SNED1: variants seen among roughly 807,000 people sequenced by gnomAD.
SNED1 encodes the protein sushi, nidogen and EGF-like domain-containing protein 1.
A neutral mutation model predicts 166.7 loss-of-function variants in SNED1; 81 were observed. That is an observed-to-expected ratio of 0.49 (90% CI 0.41 to 0.58). The LOEUF (loss-of-function observed/expected upper bound fraction) is 0.58. Among genes scored for constraint, SNED1 ranks in the 20% least tolerant of loss-of-function variants. The probability of loss-of-function intolerance (pLI) is 0.00; values close to 1 mark genes in which losing one functional copy is unlikely to be tolerated. For synonymous variants in SNED1, 762 were observed against 822.0 expected, an observed-to-expected ratio of 0.93 and a Z score of 1.25; for missense variants, 1,604 against 2,000.2, an observed-to-expected ratio of 0.80 and a Z score of 3.78.
At position 241,048,709 on chromosome 2, in the gene SNED1, G is replaced by A. The variant is rs201141946; in HGVS notation, c.1447G>A (p.Ala483Thr). 594 of 1,612,794 alleles carry A rather than the reference G, an allele frequency of 3.7e-4. No homozygotes were observed. The highest frequency in any genetic ancestry group is 4.5e-4 in the Non-Finnish European group (535 of 1,179,500). Residue 483 changes from alanine to threonine, a missense_variant, in exon 10 of 32, where the codon GCC becomes ACC. Around this residue, in one of 2 missense-constraint regions of SNED1, gnomAD observed 1,237 missense variants for 1,620.8 expected, o/e 0.76. Transcript: ENST00000310397. The part of the protein sequence containing the change: ...ECRNGGRCLG[A>T]NTTLCQCPLG... ...CCGCAACGGAGGCAGATGCCTGGGC[G>A]CCAACACCACCCTCTGCCAGTGCCC...
chr2:241,045,183 T>C lies in SNED1; in HGVS notation c.1274-3132T>C, dbSNP rs536295399. Among the ~76,000 whole-genome samples, 7 of 152,360 alleles carry C rather than the reference T, an allele frequency of 4.6e-5. No individual in the cohort carries two copies. In the East Asian group the frequency reaches 1.3e-3, roughly 29 times the overall value. On this transcript the variant is annotated intron_variant, in intron 8 of 31. Transcript: ENST00000310397. The stretch of plus-strand genomic sequence containing the variant: ...ATCAAGTAAATGGACAGACATACCA[T>C]GTTCATGGATTAGAAGACTCAACGT...
chr2:241,073,429 G>C lies in SNED1; in HGVS notation c.3916+65G>C, dbSNP rs1018874024. 3 of 1,354,046 alleles carry C rather than the reference G, an allele frequency of 2.2e-6. No individual in the cohort carries two copies. In the Admixed American group the frequency reaches 5.9e-5, roughly 27 times the overall value. 83.9% of individuals were successfully genotyped at this position (1,354,046 alleles called of 1,614,324 possible). A position where few individuals can be genotyped will look rare whatever the true frequency, so the allele number is the denominator to read the frequency against. The stretch of plus-strand genomic sequence containing the variant: ...ACTGCTCTCAGGGGCCTTAGAGGCT[G>C]CAGGCAGGAGGGACCACCCACGGTG... On this transcript the variant is annotated intron_variant, in intron 27 of 31. Coordinates refer to ENST00000310397, the MANE Select transcript of SNED1 (RefSeq NM_001080437.3). This position sits in a 1 kb window ranked among gnomAD's most constrained non-coding sequence, Gnocchi z 6.6.
chr2:241,023,495 AT>A (rs965049815), intron 1 of SNED1, among the ~76,000 whole-genome samples: 1 of 151,800 alleles, frequency 6.6e-6, no homozygotes, highest in Admixed American at 6.6e-5. Context: ...AAAAAAAAAA[AT>A]GTTCCATTTG....
intron 27 of SNED1, among the ~76,000 whole-genome samples, chr2:241,080,474 G>A (rs534568256): frequency 1.1e-3 from 173 of 152,302 alleles, no homozygotes; most frequent in African/African-American, 3.8e-3. Context: ...TCTAGATCTC[G>A]TTCTCACCAA....
chr2:241,024,235 CTTTTTTTTTTTTTTT>C (rs10664618), intron 1 of SNED1, among the ~76,000 whole-genome samples: 3 of 46,908 alleles, frequency 6.4e-5, no homozygotes, highest in Admixed American at 3.5e-4. Flanking sequence ...ACTCTACTAC[CTTTTTTTTTTTTTTT>C]TTTTTTTTTT....
rs1226679033 is a variant in SNED1 at position 241,068,859 on chromosome 2, A to T, written c.3195-52A>T. On this transcript the variant is annotated intron_variant, in intron 22 of 31. Coordinates refer to ENST00000310397, the MANE Select transcript of SNED1 (RefSeq NM_001080437.3). This position sits in a 1 kb window ranked among gnomAD's most constrained non-coding sequence, Gnocchi z 5.3. ...GGAGCTGCGGTCTGGCAGCAGAGTC[A>T]CACACAGGTCCCAGACATCCCTGTT... is the stretch of plus-strand genomic sequence containing the variant. 2.3e-6 allele frequency: 3 copies of T among 1,295,660 alleles called. No homozygotes were observed. The highest frequency in any genetic ancestry group is 3.2e-6 in the Non-Finnish European group (3 of 928,732). 80.3% of individuals were successfully genotyped at this position (1,295,660 alleles called of 1,614,324 possible). A position where few individuals can be genotyped will look rare whatever the true frequency, so the allele number is the denominator to read the frequency against.
chr2:241,019,236 G>A (rs571564872), intron 1 of SNED1, among the ~76,000 whole-genome samples: 16 of 152,180 alleles, frequency 1.1e-4, no homozygotes, highest in South Asian at 6.2e-4. Flanking sequence ...GGAGTCTTTC[G>A]GAGTTGATTC....
intron 10 of SNED1, 86 bp downstream of exon 10, chr2:241,048,852 G>A: frequency 7.8e-7 from 1 of 1,277,184 alleles, no homozygotes; most frequent in Non-Finnish European, 1.1e-6. Context: ...GGGGTCCGTA[G>A]GTCCAGACTG....
intron 5 of SNED1, 158 bp from the exon 6 acceptor site, chr2:241,037,082 G>A: frequency 9.9e-7 from 1 of 1,012,138 alleles, no homozygotes; most frequent in Non-Finnish European, 1.5e-6. Flanking sequence ...AAAGGCCATG[G>A]CCCCCTGGAG....
Position 241,033,827 on chromosome 2 carries a change from C to G in SNED1, c.594C>G (p.His198Gln). ...YESIVWTTGT[H>Q]ASSGGNATGL... ...CCATCGTGTGGACCACAGGCACACA[C>G]GCCAGCAGCGGGGGCAACGCCACTG... The change falls in exon 3 of 32, where the codon CAC becomes CAG. Residue 198 changes from histidine to glutamine, a missense_variant. Physicochemically the swap from His to Gln is conservative, Grantham distance 24. Coordinates refer to ENST00000310397, the MANE Select transcript of SNED1 (RefSeq NM_001080437.3). 6.2e-7 allele frequency: 1 copy of G among 1,609,664 alleles called. No individual in the cohort carries two copies. The highest frequency in any genetic ancestry group is 8.5e-7 in the Non-Finnish European group (1 of 1,178,622).
intron 1 of SNED1, among the ~76,000 whole-genome samples, chr2:241,012,766 C>CT (rs1317405123): frequency 1.3e-5 from 2 of 151,534 alleles, no homozygotes; most frequent in Non-Finnish European, 2.9e-5. Flanking sequence ...GACAAGAACA[C>CT]TTAAGATTAC....
chr2:241,058,464 C>T (rs955686392), intron 16 of SNED1, among the ~76,000 whole-genome samples: 6 of 151,992 alleles, frequency 3.9e-5, no homozygotes, highest in Non-Finnish European at 1.5e-5. Context: ...AAGTAGAGAT[C>T]CAAGATACAA....
intron 1 of SNED1, among the ~76,000 whole-genome samples, chr2:241,025,046 C>T (rs995799106): frequency 6.6e-6 from 1 of 152,116 alleles, no homozygotes; most frequent in Non-Finnish European, 1.5e-5. Context: ...TACCCTAGAC[C>T]AGGGGTCCCC....
chr2:241,095,253 C>G lies in SNED1; in HGVS notation c.*3617C>G, dbSNP rs1211099947. On this transcript the variant is annotated 3_prime_UTR_variant, in exon 32 of 32. Coordinates refer to ENST00000310397, the MANE Select transcript of SNED1 (RefSeq NM_001080437.3). The stretch of plus-strand genomic sequence containing the variant: ...TGCCCCAGCACTCTCCAGGCCAGCA[C>G]AGTCTGGCACTACAGACTACAGGGC... 1 of 152,666 alleles carries G rather than the reference C, an allele frequency of 6.6e-6. No individual in the cohort carries two copies. Among genetic ancestry groups the G allele is most frequent in the Non-Finnish European group, 1.5e-5 (1 of 68,374 alleles). 9.5% of individuals were successfully genotyped at this position (152,666 alleles called of 1,614,324 possible).
intron 16 of SNED1, among the ~76,000 whole-genome samples, chr2:241,061,465 A>G (rs868168615): frequency 7.2e-5 from 11 of 152,350 alleles, no homozygotes; most frequent in African/African-American, 1.4e-4. Flanking sequence ...CTGTTGAGCA[A>G]TCTGCCCACT....
At chr2:241,044,571 C>G (rs1036066224) in intron 8 of SNED1, among the ~76,000 whole-genome samples, 8 of 152,190 alleles carry the variant, frequency 5.3e-5, no homozygotes, top group African/African-American at 1.9e-4. Flanking sequence ...GGTATCCCCC[C>G]AGCCAGGACT....
chr2:241,078,890 G>A (rs2063179894), intron 27 of SNED1, among the ~76,000 whole-genome samples: 1 of 151,948 alleles, frequency 6.6e-6, no homozygotes, highest in African/African-American at 2.4e-5. Context: ...GAGGCAGGTG[G>A]ATCACTTGAG....
intron 8 of SNED1, among the ~76,000 whole-genome samples, chr2:241,045,089 A>G (rs1410770594): frequency 1.3e-5 from 2 of 152,214 alleles, no homozygotes; most frequent in Non-Finnish European, 2.9e-5. Flanking sequence ...AGACTTTAGT[A>G]TAAATCTACT....
intron 16 of SNED1, among the ~76,000 whole-genome samples, chr2:241,061,854 C>A (rs78672746): frequency 0.049 from 5,824 of 117,998 alleles, 368 homozygotes; most frequent in African/African-American, 0.16. Context: ...TCCATCCCCC[C>A]AAAAAAAAAA....
Sources: gnomAD v4.1 joint callset for allele counts (sites outside exome capture counted in the v4.1 genomes callset) on GRCh38, gnomAD v4.1.1 for gene constraint, gnomAD v4.1.1 regional missense constraint, Gnocchi (gnomAD v3.1) non-coding constraint, MANE v1.5 for transcripts, NCBI Gene and HGNC (gene_info 2026-07-23, HGNC 2026-07-21) for gene names.